The following MEIKIN variants were observed in gnomAD, a reference collection of about 807,000 sequenced individuals.
MEIKIN encodes the protein meiosis-specific kinetochore protein.
chr5:131,820,644 TG>T (rs1749482382), intron 11 of MEIKIN, among the ~76,000 whole-genome samples: 1 of 152,198 alleles, frequency 6.6e-6, no homozygotes, highest in Non-Finnish European at 1.5e-5. Context: ...AGCAAAGCCA[TG>T]AGGTCCTGCG....
intron 9 of MEIKIN, among the ~76,000 whole-genome samples, chr5:131,855,066 A>AGAATACCTTGGTTGAAAT (rs1039085749): frequency 6.6e-6 from 1 of 152,222 alleles, no homozygotes; most frequent in Admixed American, 6.5e-5. Context: ...CAACTATATG[A>AGAATACCTTGGTTGAAAT]GAATACCTTG....
At chr5:131,936,064 T>C (rs879842154) in intron 4 of MEIKIN, among the ~76,000 whole-genome samples, 33 of 152,156 alleles carry the variant, frequency 2.2e-4, no homozygotes, top group Non-Finnish European at 4.4e-4. Flanking sequence ...ATACCCCTCA[T>C]AGCTGAGCTA....
At chr5:131,835,213 T>C (rs1215479215) in intron 11 of MEIKIN, among the ~76,000 whole-genome samples, 1 of 151,438 alleles carries the variant, frequency 6.6e-6, no homozygotes, top group East Asian at 1.9e-4. Flanking sequence ...TATATGTGTG[T>C]ATATATATGT....
intron 3 of MEIKIN, among the ~76,000 whole-genome samples, chr5:131,943,401 G>A (rs563851335): frequency 6.6e-6 from 1 of 152,120 alleles, no homozygotes; most frequent in African/African-American, 2.4e-5. Context: ...ATTTATCTTA[G>A]GGTAACAATG....
intron 8 of MEIKIN, among the ~76,000 whole-genome samples, chr5:131,909,116 C>T (rs1431953792): frequency 6.6e-6 from 1 of 152,020 alleles, no homozygotes; most frequent in Non-Finnish European, 1.5e-5. Flanking sequence ...TCAAAGCTAA[C>T]CTGAGCAAAA....
chr5:131,842,765 C>T (rs1014143702), intron 11 of MEIKIN, among the ~76,000 whole-genome samples: 1 of 152,180 alleles, frequency 6.6e-6, no homozygotes, highest in African/African-American at 2.4e-5. Flanking sequence ...ACATTCTATG[C>T]TTTTACTCCA....
At chr5:131,842,926 A>C (rs1400665600) in intron 11 of MEIKIN, among the ~76,000 whole-genome samples, 1 of 152,208 alleles carries the variant, frequency 6.6e-6, no homozygotes, top group Non-Finnish European at 1.5e-5. Context: ...CCTGCAGCAG[A>C]CTTCTGCCTG....
intron 5 of MEIKIN, among the ~76,000 whole-genome samples, chr5:131,927,972 C>T (rs903075567): frequency 6.6e-6 from 1 of 151,598 alleles, no homozygotes; most frequent in Non-Finnish European, 1.5e-5. Context: ...GGTGAAACCC[C>T]GTCTCTACTA....
At chr5:131,833,255 G>T (rs1481930747) in intron 11 of MEIKIN, among the ~76,000 whole-genome samples, 4 of 152,116 alleles carry the variant, frequency 2.6e-5, no homozygotes, top group Non-Finnish European at 5.9e-5. Context: ...TCTAGGGTAG[G>T]GGCAAAATGC....
intron 11 of MEIKIN, among the ~76,000 whole-genome samples, chr5:131,836,531 C>CT: frequency 6.6e-6 from 1 of 152,220 alleles, no homozygotes; most frequent in East Asian, 1.9e-4. Context: ...ATGACTGTTC[C>CT]TTTTTCTCCA....
Position 131,848,094 on chromosome 5 carries a change from C to T in MEIKIN, c.975+3170G>A, listed in dbSNP as rs145357773. ...AAAAACAAGAAATGTCTCAAATCAA[C>T]AACCTAACTTTACAACTTAAGGAAC... On this transcript the variant is annotated intron_variant, in intron 11 of 12. Transcript: ENST00000442687. 3.6e-3 allele frequency among the ~76,000 whole-genome samples: 553 copies of T among 152,132 alleles called. 4 individuals carry two copies. The highest frequency in any genetic ancestry group is 0.013 in the African/African-American group (525 of 41,526).
At chr5:131,830,355 C>T (rs1397462851) in intron 11 of MEIKIN, among the ~76,000 whole-genome samples, 3 of 152,314 alleles carry the variant, frequency 2.0e-5, no homozygotes, top group South Asian at 2.1e-4. Context: ...CATTATCGTG[C>T]CACTGCACTC....
intron 11 of MEIKIN, among the ~76,000 whole-genome samples, chr5:131,824,457 T>A (rs1361336867): frequency 6.6e-6 from 1 of 151,878 alleles, no homozygotes; most frequent in Non-Finnish European, 1.5e-5. Context: ...GAGTTGAAGG[T>A]TACTGTGAGA....
At chr5:131,924,121 G>A (rs2149648821) in intron 5 of MEIKIN, among the ~76,000 whole-genome samples, 1 of 152,056 alleles carries the variant, frequency 6.6e-6, no homozygotes, top group Non-Finnish European at 1.5e-5. Context: ...TTAACATAAT[G>A]TCCTCAAGGT....
At chr5:131,812,766 G>C (rs1179713093) in intron 12 of MEIKIN, among the ~76,000 whole-genome samples, 1 of 152,244 alleles carries the variant, frequency 6.6e-6, no homozygotes, top group Non-Finnish European at 1.5e-5. Context: ...GGTGCTTGTA[G>C]TGTTAGTGGC....
chr5:131,871,593 GAC>G (rs554256253), intron 9 of MEIKIN, among the ~76,000 whole-genome samples: 50 of 152,216 alleles, frequency 3.3e-4, no homozygotes, highest in Non-Finnish European at 6.3e-4. Flanking sequence ...CAAACAAAAA[GAC>G]AGCAGTGACC....
chr5:131,924,616 C>T (rs758938089), intron 5 of MEIKIN, among the ~76,000 whole-genome samples: 10 of 152,092 alleles, frequency 6.6e-5, no homozygotes, highest in Admixed American at 3.9e-4. Context: ...GCTATTGCTG[C>T]TGCTGCTTTG....
At chr5:131,890,185 G>T (rs1326779737) in intron 8 of MEIKIN, among the ~76,000 whole-genome samples, 2 of 152,136 alleles carry the variant, frequency 1.3e-5, no homozygotes, top group South Asian at 4.2e-4. Context: ...TCTCTGCCAG[G>T]CTTTGGTATC....
intron 5 of MEIKIN, among the ~76,000 whole-genome samples, chr5:131,929,455 A>T (rs1383180205): frequency 1.3e-5 from 2 of 152,132 alleles, no homozygotes; most frequent in African/African-American, 4.8e-5. Context: ...AGTGGCTCAC[A>T]AGTCTCTTAG....
Sources: gnomAD v4.1 joint callset for allele counts (sites outside exome capture counted in the v4.1 genomes callset) on GRCh38, gnomAD v4.1.1 for gene constraint, MANE v1.5 for transcripts, NCBI Gene and HGNC (gene_info 2026-07-23, HGNC 2026-07-21) for gene names.